The following NRXN3 variants were observed in gnomAD, a reference collection of about 807,000 sequenced individuals.
The protein encoded by NRXN3 is neurexin III.
A neutral mutation model predicts 137.6 loss-of-function variants in NRXN3; 32 were observed. The observed-to-expected ratio is 0.23, with a 90% CI of 0.18 to 0.31. NRXN3 has a LOEUF of 0.31. NRXN3 is among the 10% of genes least tolerant of loss of function. The pLI is 1.00. For missense variants in NRXN3, 1,574 were observed against 2,062.5 expected, an observed-to-expected ratio of 0.76 and a Z score of 4.59; for synonymous variants, 798 against 784.5, an observed-to-expected ratio of 1.02 and a Z score of -0.29.
rs943713646 is a variant in NRXN3 at position 78,907,221 on chromosome 14, CTT to C, written c.2276-50020_2276-50019del. Reference sequence around the variant, plus strand: ...ATTATAGTCAGCTTTGTTGCATGGTCTTATACATTCTTCTTAACATGTGTGGT... The same window carrying C: ...ATTATAGTCAGCTTTGTTGCATGGTCATACATTCTTCTTAACATGTGTGGT... On this transcript the variant is annotated intron_variant, in intron 10 of 20. Coordinates refer to ENST00000335750, the MANE Select transcript of NRXN3 (RefSeq NM_001330195.2). 1.0e-3 allele frequency among the ~76,000 whole-genome samples: 158 copies of C among 151,984 alleles called. 1 individual carries two copies. The highest frequency in any genetic ancestry group is 3.6e-3 in the African/African-American group (151 of 41,492).
intron 1 of NRXN3, among the ~76,000 whole-genome samples, chr14:78,195,702 T>C (rs898113916): frequency 3.9e-5 from 6 of 152,164 alleles, no homozygotes; most frequent in Admixed American, 2.6e-4. Context: ...GAGACTGTTT[T>C]GTTTGCTCCA....
At chr14:78,832,262 A>G (rs1033370440) in intron 10 of NRXN3, among the ~76,000 whole-genome samples, 1 of 151,114 alleles carries the variant, frequency 6.6e-6, no homozygotes, top group Non-Finnish European at 1.5e-5. Flanking sequence ...TCTGCCTAAG[A>G]TGTTGATACA....
At chr14:78,298,320 C>T (rs1193437745) in intron 4 of NRXN3, among the ~76,000 whole-genome samples, 1 of 152,228 alleles carries the variant, frequency 6.6e-6, no homozygotes, top group Non-Finnish European at 1.5e-5. Flanking sequence ...ATTACACTGC[C>T]CGTAATGATC....
chr14:78,828,104 A>C (rs977643451), intron 10 of NRXN3, among the ~76,000 whole-genome samples: 2 of 152,136 alleles, frequency 1.3e-5, no homozygotes, highest in African/African-American at 4.8e-5. Flanking sequence ...CCATAGTTTT[A>C]TGTGATTACA....
intron 16 of NRXN3, among the ~76,000 whole-genome samples, chr14:79,545,054 A>G (rs1486998562): frequency 6.6e-6 from 1 of 152,182 alleles, no homozygotes; most frequent in East Asian, 1.9e-4. Flanking sequence ...GCTGTTGCTT[A>G]TTTGACTGGA....
chr14:78,191,021 G>T (rs11623896), intron 1 of NRXN3, among the ~76,000 whole-genome samples: 49,736 of 151,994 alleles, frequency 0.33, 8,935 homozygotes, highest in Middle Eastern at 0.45. Context: ...TTTCTAACCA[G>T]GTAAGCGTCC....
chr14:79,133,757 C>T (rs1476206834), intron 15 of NRXN3, among the ~76,000 whole-genome samples: 2 of 151,500 alleles, frequency 1.3e-5, no homozygotes, highest in Admixed American at 1.3e-4. Flanking sequence ...AATCCTGTCT[C>T]TACTAAAAAT....
chr14:79,623,919 T>C (rs1287197543), intron 16 of NRXN3, among the ~76,000 whole-genome samples: 1 of 151,252 alleles, frequency 6.6e-6, no homozygotes, highest in Non-Finnish European at 1.5e-5. Flanking sequence ...TTACTGATTG[T>C]ATTTGTTAAT....
chr14:79,638,983 TG>T (rs1432312108), intron 16 of NRXN3, among the ~76,000 whole-genome samples: 1 of 152,108 alleles, frequency 6.6e-6, no homozygotes, highest in Non-Finnish European at 1.5e-5. Flanking sequence ...ACAAGCAAGG[TG>T]GTAACTCACC....
chr14:78,571,326 C>T (rs1038226146), intron 4 of NRXN3, among the ~76,000 whole-genome samples: 2 of 152,160 alleles, frequency 1.3e-5, no homozygotes, highest in Non-Finnish European at 2.9e-5. Context: ...GGAAGAAACA[C>T]TCACAGAGTA....
At chr14:79,568,284 T>G (rs2097568285) in intron 16 of NRXN3, among the ~76,000 whole-genome samples, 5 of 152,192 alleles carry the variant, frequency 3.3e-5, no homozygotes, top group Admixed American at 2.6e-4. Flanking sequence ...CCTCCATATC[T>G]CTAAAAGTTA....
intron 13 of NRXN3, among the ~76,000 whole-genome samples, chr14:78,967,695 G>A (rs997165983): frequency 1.6e-4 from 24 of 152,166 alleles, no homozygotes; most frequent in Non-Finnish European, 2.6e-4. Flanking sequence ...AAGGAATATA[G>A]GCTTTGGAAT....
intron 16 of NRXN3, among the ~76,000 whole-genome samples, chr14:79,483,340 A>G (rs2096625570): frequency 6.6e-6 from 1 of 152,230 alleles, no homozygotes; most frequent in Non-Finnish European, 1.5e-5. Context: ...TAATGGATAT[A>G]AGAGAACATA....
At chr14:78,369,460 A>C (rs576204921) in intron 4 of NRXN3, among the ~76,000 whole-genome samples, 1 of 151,804 alleles carries the variant, frequency 6.6e-6, no homozygotes, top group Non-Finnish European at 1.5e-5. Context: ...GCTCTTACCT[A>C]CCTTCTCTTG....
chr14:79,433,780 T>C (rs969980843), intron 15 of NRXN3, among the ~76,000 whole-genome samples: 4 of 152,214 alleles, frequency 2.6e-5, no homozygotes, highest in African/African-American at 9.6e-5. Context: ...ATATCTGGTC[T>C]AGATGGGTCT....
At chr14:79,731,836 AT>A (rs888873335) in intron 19 of NRXN3, among the ~76,000 whole-genome samples, 23 of 146,146 alleles carry the variant, frequency 1.6e-4, no homozygotes, top group East Asian at 4.0e-4. Context: ...TTTTTTTTTA[AT>A]TTTTTTTTTG....
intron 19 of NRXN3, among the ~76,000 whole-genome samples, chr14:79,718,614 C>A (rs1444615979): frequency 6.6e-6 from 1 of 152,158 alleles, no homozygotes; most frequent in Non-Finnish European, 1.5e-5. Flanking sequence ...AGCCAGGCCC[C>A]CACTACAGGC....
chr14:79,385,204 T>TCCC (rs557799323), intron 15 of NRXN3, among the ~76,000 whole-genome samples: 166 of 90,444 alleles, frequency 1.8e-3, no homozygotes, highest in African/African-American at 5.7e-3. Flanking sequence ...ATGCTATCCT[T>TCCC]CCCCCCGCCC....
intron 8 of NRXN3, among the ~76,000 whole-genome samples, chr14:78,750,129 T>TAA (rs1179916171): frequency 1.3e-5 from 2 of 152,194 alleles, no homozygotes; most frequent in African/African-American, 4.8e-5. Flanking sequence ...TTCTAGAGGA[T>TAA]AAAGCCCACC....
Sources: allele counts gnomAD v4.1 joint callset (sites outside exome capture counted in the v4.1 genomes callset), GRCh38; gene constraint gnomAD v4.1.1; transcripts MANE v1.5; gene names NCBI Gene and HGNC (gene_info 2026-07-23, HGNC 2026-07-21).